The following PIK3C2G variants were observed in gnomAD, a reference collection of about 807,000 sequenced individuals.
PIK3C2G encodes the protein phosphatidylinositol-4-phosphate 3-kinase catalytic subunit type 2 gamma, also known as phosphatidylinositol 3-kinase C2 domain-containing subunit gamma.
In PIK3C2G, 168 loss-of-function variants were observed where a neutral mutation model predicts 181.1. The ratio of observed to expected loss-of-function variants is 0.93; its 90% CI spans 0.82 to 1.05. The LOEUF is 1.05. Among genes scored for constraint, PIK3C2G ranks in the 50% least tolerant of loss-of-function variants. PIK3C2G has a pLI of 0.00. For missense variants in PIK3C2G, 1,869 were observed against 1,732.8 expected, an observed-to-expected ratio of 1.08 and a Z score of -1.40; for synonymous variants, 573 against 592.2, an observed-to-expected ratio of 0.97 and a Z score of 0.47.
intron 11 of PIK3C2G, among the ~76,000 whole-genome samples, chr12:18,349,415 A>T (rs1318585778): frequency 1.3e-5 from 2 of 152,200 alleles, no homozygotes; most frequent in African/African-American, 2.4e-5. Context: ...ACAGGACTCT[A>T]CAATAAAAAA....
chr12:18,711,933 T>A, the PIK3C2G span, among the ~76,000 whole-genome samples: 3 of 152,144 alleles, frequency 2.0e-5, no homozygotes, highest in African/African-American at 7.2e-5. Flanking sequence ...TATATGATAT[T>A]TGTATCTTTG....
chr12:18,415,440 C>T (rs1010763330), intron 16 of PIK3C2G, among the ~76,000 whole-genome samples: 1 of 152,218 alleles, frequency 6.6e-6, no homozygotes, highest in Admixed American at 6.5e-5. Context: ...TGTTCTGACT[C>T]TTCCACCTGC....
At chr12:18,429,280 C>A (rs1188657633) in intron 18 of PIK3C2G, among the ~76,000 whole-genome samples, 1 of 152,144 alleles carries the variant, frequency 6.6e-6, no homozygotes, top group East Asian at 1.9e-4. Flanking sequence ...CTCCCCGGAG[C>A]CTTGGGAGAG....
At chr12:18,676,597 ACT>A in the PIK3C2G span, among the ~76,000 whole-genome samples, 12,774 of 152,124 alleles carry the variant, frequency 0.084, 623 homozygotes, top group Non-Finnish European at 0.11. Flanking sequence ...TTACTGTCTG[ACT>A]CTGTTGTAGA....
intron 3 of PIK3C2G, among the ~76,000 whole-genome samples, chr12:18,287,528 C>T (rs1426293372): frequency 6.6e-6 from 1 of 152,194 alleles, no homozygotes; most frequent in Non-Finnish European, 1.5e-5. Context: ...AGTTCTACCT[C>T]TTCTGTTGCT....
At chr12:18,701,939 T>C in the PIK3C2G span, among the ~76,000 whole-genome samples, 5,469 of 152,214 alleles carry the variant, frequency 0.036, 133 homozygotes, top group East Asian at 0.083. Flanking sequence ...AGTAGAGGAA[T>C]GAATACAGTG....
intron 18 of PIK3C2G, among the ~76,000 whole-genome samples, chr12:18,433,764 G>C (rs1316695004): frequency 6.6e-6 from 1 of 152,122 alleles, no homozygotes; most frequent in African/African-American, 2.4e-5. Flanking sequence ...AGTTAAATGA[G>C]TTAGAAAATA....
At chr12:18,562,374 C>T (rs1565510372) in intron 26 of PIK3C2G, among the ~76,000 whole-genome samples, 3 of 152,200 alleles carry the variant, frequency 2.0e-5, no homozygotes, top group East Asian at 1.9e-4. Flanking sequence ...CCTCGTGATC[C>T]GCCCGCCTCG....
chr12:18,719,248 C>T, the PIK3C2G span, among the ~76,000 whole-genome samples: 1 of 152,052 alleles, frequency 6.6e-6, no homozygotes, highest in African/African-American at 2.4e-5. Flanking sequence ...CAATAAATTA[C>T]GTTGCCACTT....
intron 18 of PIK3C2G, among the ~76,000 whole-genome samples, chr12:18,435,608 C>G (rs997852218): frequency 6.6e-6 from 1 of 152,074 alleles, no homozygotes; most frequent in Non-Finnish European, 1.5e-5. Flanking sequence ...GGCAATGGAG[C>G]TTCATAGTTT....
chr12:18,371,254 G>C lies in PIK3C2G; in HGVS notation c.1823G>C (p.Cys608Ser). The C allele has an allele frequency of 6.2e-7, 1 of 1,612,250 alleles. No homozygotes were observed. The highest frequency in any genetic ancestry group is 8.5e-7 in the Non-Finnish European group (1 of 1,178,976). ...MLTVKLFGIA[C>S]ATNNANLLAW... ...ACTGTAAAACTGTTTGGGATTGCCT[G>C]TGCAACCAACAATGCAAATTTACTG... Residue 608 changes from cysteine (C) to serine (S), a missense_variant, in exon 13 of 33, where the codon TGT becomes TCT. By Grantham distance (112) the Cys-to-Ser change is moderately radical. Coordinates refer to ENST00000538779, the MANE Select transcript of PIK3C2G (RefSeq NM_001288772.2).
chr12:18,704,075 G>C, the PIK3C2G span, among the ~76,000 whole-genome samples: 1 of 152,148 alleles, frequency 6.6e-6, no homozygotes, highest in Non-Finnish European at 1.5e-5. Context: ...AGAGGAGTGA[G>C]GGAAGGCTAA....
chr12:18,391,977 A>C (rs192209575), intron 15 of PIK3C2G, among the ~76,000 whole-genome samples: 65 of 152,202 alleles, frequency 4.3e-4, no homozygotes, highest in Admixed American at 4.3e-3. Context: ...TAAACAAGGG[A>C]ATCATGTGAC....
intron 30 of PIK3C2G, among the ~76,000 whole-genome samples, chr12:18,597,391 A>C (rs1947429507): frequency 6.6e-6 from 1 of 152,164 alleles, no homozygotes; most frequent in African/African-American, 2.4e-5. Flanking sequence ...TGAAAATAAA[A>C]GCAAATTACT....
At chr12:18,386,231 A>C (rs1312122880) in intron 14 of PIK3C2G, among the ~76,000 whole-genome samples, 2 of 152,142 alleles carry the variant, frequency 1.3e-5, no homozygotes, top group Admixed American at 1.3e-4. Flanking sequence ...TGCACAGTGG[A>C]CATATTCTCC....
chr12:18,530,857 G>A (rs1386095821), intron 24 of PIK3C2G, among the ~76,000 whole-genome samples: 1 of 151,954 alleles, frequency 6.6e-6, no homozygotes, highest in East Asian at 1.9e-4. Flanking sequence ...CCCCATCCAT[G>A]CCTCCTGTAC....
intron 12 of PIK3C2G, among the ~76,000 whole-genome samples, chr12:18,365,880 GTT>G (rs1162221579): frequency 3.3e-5 from 5 of 152,038 alleles, no homozygotes; most frequent in African/African-American, 1.2e-4. Flanking sequence ...TCTAATTCTG[GTT>G]GTTCAGATCA....
chr12:18,696,342 A>ATATATGATATAT, the PIK3C2G span: 14 of 246,242 alleles, frequency 5.7e-5, 2 homozygotes, highest in Non-Finnish European at 2.8e-5. Context: ...ATATATATAT[A>ATATATGATATAT]TATATATATC....
intron 11 of PIK3C2G, among the ~76,000 whole-genome samples, chr12:18,347,685 C>T (rs753919294): frequency 1.3e-5 from 2 of 152,026 alleles, no homozygotes; most frequent in African/African-American, 2.4e-5. Flanking sequence ...ATGGCACGTG[C>T]CTGTAATCCC....
Sources: allele counts gnomAD v4.1 joint callset (sites outside exome capture counted in the v4.1 genomes callset), GRCh38; gene constraint gnomAD v4.1.1; transcripts MANE v1.5; gene names NCBI Gene and HGNC (gene_info 2026-07-23, HGNC 2026-07-21).